Variants in TAF7L observed in about 807,000 individuals in gnomAD.
TAF7L encodes the protein transcription initiation factor TFIID subunit 7-like.
TAF7L carries 6 observed loss-of-function variants against 30.2 expected under a neutral mutation model. The ratio of observed to expected loss-of-function variants is 0.20; its 90% CI spans 0.11 to 0.39. The LOEUF is 0.39. Among genes scored for constraint, TAF7L ranks in the 10% least tolerant of loss-of-function variants. TAF7L has a pLI of 1.00. For synonymous variants in TAF7L, 93 were observed against 94.5 expected (o/e 0.98, Z 0.09); for missense variants, 284 against 277.1 (o/e 1.03, Z -0.18).
chrX:101,291,191 G>A, intron 1 of TAF7L, 33 bp downstream of exon 1: 1 of 692,690 alleles, frequency 1.4e-6, no homozygotes, highest in Non-Finnish European at 1.7e-6. Context: ...GCGCTGACCC[G>A]GTCCCGGCCG....
At chrX:101,269,837 A>T (rs1459440603) in intron 12 of TAF7L, among the ~76,000 whole-genome samples, 1 of 110,691 alleles carries the variant, frequency 9.0e-6, no homozygotes, top group Non-Finnish European at 1.9e-5. Context: ...AATAGGCTTT[A>T]AAAAAAAACA....
chrX:101,281,742 C>T lies in TAF7L; in HGVS notation c.440G>A (p.Arg147Lys). ...TPPLKNVRKK[R>K]FRKTQKKVPD... The stretch of plus-strand genomic sequence containing the variant: ...AACCTTTTTTTGTGTTTTCCGGAAC[C>T]TTTTCTTTCTGACATTCTTAAGTGG... The change falls in exon 6 of 13, where the codon AGG becomes AAG. Residue 147 changes from arginine to lysine, a missense_variant. Physicochemically the swap from Arg to Lys is conservative, Grantham distance 26 (BLOSUM62 2). Transcript: ENST00000356784. The T allele has an allele frequency of 8.3e-7, 1 of 1,210,800 alleles. No individual in the cohort carries two copies. The highest frequency in any genetic ancestry group is 1.1e-6 in the Non-Finnish European group (1 of 895,078).
intron 12 of TAF7L, 78 bp downstream of exon 12, chrX:101,275,144 C>G: frequency 2.7e-6 from 2 of 752,176 alleles, no homozygotes; most frequent in Non-Finnish European, 4.0e-6. Context: ...GAGGAACAGC[C>G]AGCAATGATA....
intron 12 of TAF7L, among the ~76,000 whole-genome samples, chrX:101,271,587 G>C (rs5967288): frequency 0.37 from 40,623 of 111,017 alleles, 5,397 homozygotes; most frequent in African/African-American, 0.41. Flanking sequence ...AGAAGTTGCT[G>C]TGGGTGAGTC....
chrX:101,278,684 C>T (rs745587413), intron 7 of TAF7L, among the ~76,000 whole-genome samples: 1 of 112,515 alleles, frequency 8.9e-6, no homozygotes, highest in South Asian at 3.6e-4. Flanking sequence ...TTGCAAACAA[C>T]TGCTGTTAAA....
At chrX:101,280,957 A>G (rs1924389137) in intron 6 of TAF7L, among the ~76,000 whole-genome samples, 1 of 112,025 alleles carries the variant, frequency 8.9e-6, no homozygotes, top group Non-Finnish European at 1.9e-5. Context: ...CAAGTGTCAG[A>G]GACTGGGGTG....
chrX:101,274,354 A>C (rs1387987696), intron 12 of TAF7L, among the ~76,000 whole-genome samples: 3 of 109,700 alleles, frequency 2.7e-5, no homozygotes, highest in Non-Finnish European at 5.7e-5. Context: ...AGCTGAGACT[A>C]CAGGCTTATG....
chrX:101,280,831 A>C (rs140510490), intron 6 of TAF7L, among the ~76,000 whole-genome samples: 10,052 of 111,634 alleles, frequency 0.09, 474 homozygotes, highest in Non-Finnish European at 0.13. Context: ...ATCTTAAGTG[A>C]ATTATGCTGA....
Position 101,291,302 on chromosome X carries a change from G to A in TAF7L, c.-81C>T. On this transcript the variant is annotated 5_prime_UTR_variant, in exon 1 of 13. Transcript: ENST00000356784. ...GGTCTGTGGGTTCCGGACGAACCGCGCGTGGGCTCCCGCGCGGAACGTAGA... is the reference window on the plus strand; with the variant it reads ...GGTCTGTGGGTTCCGGACGAACCGCACGTGGGCTCCCGCGCGGAACGTAGA... 1 of 754,357 alleles carries A rather than the reference G, an allele frequency of 1.3e-6. No individual in the cohort carries two copies. The highest frequency in any genetic ancestry group is 1.6e-6 in the Non-Finnish European group (1 of 639,093). The allele number at this position is 754,357 out of a possible 1,213,427, so 62.2% of individuals were successfully genotyped here.
intron 9 of TAF7L, among the ~76,000 whole-genome samples, chrX:101,276,970 C>CAA (rs35125792): frequency 1.2e-5 from 1 of 82,189 alleles, no homozygotes; most frequent in Admixed American, 1.4e-4. Flanking sequence ...TCTCTACTTA[C>CAA]AAAAAAAAAA....
chrX:101,292,679 T>C (rs748082823), upstream of TAF7L: 94 of 955,819 alleles, frequency 9.8e-5, no homozygotes, highest in Non-Finnish European at 1.2e-4. Context: ...ACGTCGCCCA[T>C]TGCTCCTCAA....
At chrX:101,291,927 G>T (rs1210381755), upstream of TAF7L, among the ~76,000 whole-genome samples, 1 of 102,836 alleles carries the variant, frequency 9.7e-6, no homozygotes, top group Non-Finnish European at 2.0e-5. Flanking sequence ...TTTTACCAGG[G>T]GACAGTGATA....
intron 3 of TAF7L, among the ~76,000 whole-genome samples, 197 bp downstream of exon 3, chrX:101,286,373 CACTCA>C (rs1354395243): frequency 9.0e-6 from 1 of 110,745 alleles, no homozygotes; most frequent in Non-Finnish European, 1.9e-5. Context: ...CTATGATAAT[CACTCA>C]ACTCAAGGTG....
At chrX:101,282,696 T>G (rs920397426) in intron 4 of TAF7L, among the ~76,000 whole-genome samples, 26 of 110,844 alleles carry the variant, frequency 2.3e-4, no homozygotes, top group Non-Finnish European at 4.0e-4. Context: ...TTTTGTTTTT[T>G]TTTTTCCACG....
At chrX:101,271,982 A>G (rs1034136598) in intron 12 of TAF7L, among the ~76,000 whole-genome samples, 1 of 111,479 alleles carries the variant, frequency 9.0e-6, no homozygotes, top group Non-Finnish European at 1.9e-5. Flanking sequence ...TATATAGAAC[A>G]TAAAAATTCC....
intron 4 of TAF7L, among the ~76,000 whole-genome samples, chrX:101,283,244 G>T (rs902822300): frequency 2.7e-5 from 3 of 111,968 alleles, no homozygotes; most frequent in Non-Finnish European, 5.6e-5. Flanking sequence ...ACTCTCTATA[G>T]GCTATTTGGT....
intron 10 of TAF7L, 90 bp from the exon 11 acceptor site, chrX:101,276,202 A>G (rs960269017): frequency 2.5e-6 from 3 of 1,182,179 alleles, no homozygotes; most frequent in Admixed American, 2.4e-5. Flanking sequence ...CTACACATCG[A>G]AGCGATAACT....
chrX:101,278,245 A>G, intron 7 of TAF7L, 124 bp from the exon 8 acceptor site: 1 of 496,469 alleles, frequency 2.0e-6, no homozygotes, highest in Non-Finnish European at 3.4e-6. Flanking sequence ...TTCTGATCCA[A>G]CCAAATTTCT....
rs545861121 is a variant in TAF7L, at chrX:101,271,801, C to G, written c.1087-2564G>C. ...TCTTATGGGACTACCATCATATATG[C>G]AGTCTGTCATTGGCCAAAATGTTGT... On this transcript the variant is annotated intron_variant, in intron 12 of 12. Coordinates refer to ENST00000356784, the MANE Select transcript of TAF7L (RefSeq NM_001168474.2). 2.7e-5 allele frequency among the ~76,000 whole-genome samples: 3 copies of G among 112,152 alleles called. No homozygotes were observed. The South Asian group carries it at 1.1e-3, about 42-fold the overall frequency.
Sources: allele counts gnomAD v4.1 joint callset (sites outside exome capture counted in the v4.1 genomes callset), GRCh38; gene constraint gnomAD v4.1.1; transcripts MANE v1.5; gene names NCBI Gene and HGNC (gene_info 2026-07-23, HGNC 2026-07-21).